The following EFHB variants were observed in gnomAD, a reference collection of about 807,000 sequenced individuals.
The protein encoded by EFHB is EF-hand domain family member B.
Under a neutral mutation model 87.2 loss-of-function variants are expected in EFHB, and 91 were observed. The ratio of observed to expected loss-of-function variants is 1.04; its 90% CI spans 0.88 to 1.24. The LOEUF is 1.24. Among genes scored for constraint, EFHB ranks in the 50% most tolerant of loss-of-function variants. EFHB has a pLI of 0.00. For synonymous variants in EFHB, 325 were observed against 333.6 expected (o/e 0.97, Z 0.28); for missense variants, 1,084 against 998.8 (o/e 1.09, Z -1.15).
At chr3:19,896,900 T>C (rs1694507443) in intron 8 of EFHB, 59 bp from the exon 9 acceptor site, 1 of 1,437,992 alleles carries the variant, frequency 7.0e-7, no homozygotes, top group Non-Finnish European at 9.2e-7. Flanking sequence ...ATTATTTCTA[T>C]CTTTTAAAAA....
intron 1 of EFHB, among the ~76,000 whole-genome samples, chr3:19,939,679 C>G (rs1312554461): frequency 3.3e-5 from 5 of 151,852 alleles, no homozygotes; most frequent in Admixed American, 6.6e-5. Flanking sequence ...CCACCGCACC[C>G]GCCCATGGGT....
rs1273729780 is a variant in EFHB at position 19,939,551 on chromosome 3, A to T, written c.-31-3217T>A. Among the ~76,000 whole-genome samples, 3 of 150,608 alleles carry T rather than the reference A, an allele frequency of 2.0e-5. No homozygotes were observed. In the East Asian group the frequency reaches 5.9e-4, roughly 30 times the overall value. On this transcript the variant is annotated intron_variant, in intron 1 of 14. Transcript: ENST00000344838. ...AGGCGCCCGCCACCACACCCGGCTA[A>T]TTTTTTGTATTTTTAGTAGCGATGG...
At position 19,933,225 on chromosome 3, in the gene EFHB, C is replaced by T. The variant is rs2125167135; in HGVS notation, c.789+5G>A. On this transcript the variant is annotated splice_donor_5th_base_variant and intron_variant, in intron 1 of 12. Coordinates refer to ENST00000295824, the MANE Select transcript of EFHB (RefSeq NM_144715.4). Reference sequence around the variant, plus strand: ...AGTTCCTATGGAAAGTGGAAAAAAACTTACACTTGGCCAGCAAGGGGTCCG... The same window carrying T: ...AGTTCCTATGGAAAGTGGAAAAAAATTTACACTTGGCCAGCAAGGGGTCCG... 6.2e-7 allele frequency: 1 copy of T among 1,609,030 alleles called. No individual in the cohort carries two copies. Among genetic ancestry groups the T allele is most frequent in the Non-Finnish European group, 8.5e-7 (1 of 1,176,802 alleles).
At chr3:19,890,875 T>C (rs1049519057) in intron 9 of EFHB, among the ~76,000 whole-genome samples, 2 of 152,148 alleles carry the variant, frequency 1.3e-5, no homozygotes, top group Non-Finnish European at 2.9e-5. Context: ...ACTGGACCCA[T>C]GGAGGCCTTC....
intron 3 of EFHB, 81 bp downstream of exon 3, chr3:19,919,752 A>C (rs1695371548): frequency 4.3e-6 from 6 of 1,383,550 alleles, no homozygotes; most frequent in African/African-American, 1.4e-5. Context: ...ATTGGAACTG[A>C]TGAATTTCAC....
chr3:19,933,876 ACAGGGCTCT>A lies in EFHB; in HGVS notation c.134_142del (p.Glu45_Pro47del). ...CCTTCCCTCACACTTATTACTAACC[ACAGGGCTCT>A]CCCCGCATCGGGAATCTTCTTTTCC... On this transcript the variant is annotated inframe_deletion, in exon 1 of 13. Coordinates refer to ENST00000295824, the MANE Select transcript of EFHB (RefSeq NM_144715.4). The A allele has an allele frequency of 6.2e-7, 1 of 1,613,842 alleles. No homozygotes were observed. Among genetic ancestry groups the A allele is most frequent in the Non-Finnish European group, 8.5e-7 (1 of 1,179,862 alleles).
At chr3:19,941,343 G>T in intron 1 of EFHB, 1 of 186,474 alleles carries the variant, frequency 5.4e-6, no homozygotes, top group Non-Finnish European at 1.1e-5. Flanking sequence ...TACTAGCCTG[G>T]CTGCTCAAGA....
chr3:19,879,564 G>T lies in EFHB; in HGVS notation c.*67C>A. The T allele has an allele frequency of 1.4e-6, 2 of 1,458,638 alleles. No homozygotes were observed. The highest frequency in any genetic ancestry group is 1.4e-5 in the African/African-American group (1 of 70,624). 90.4% of individuals were successfully genotyped at this position (1,458,638 alleles called of 1,614,324 possible). A position where few individuals can be genotyped will look rare whatever the true frequency, so the allele number is the denominator to read the frequency against. On this transcript the variant is annotated 3_prime_UTR_variant, in exon 13 of 13. Transcript: ENST00000295824. ...TAACATAATATCTAAAACCAGAATGGATTCAACATTTTAGATAAACACAGA... is the reference window on the plus strand; with the variant it reads ...TAACATAATATCTAAAACCAGAATGTATTCAACATTTTAGATAAACACAGA...
At position 19,879,821 on chromosome 3, in the gene EFHB, A is replaced by T; in HGVS notation, c.2329-17T>A. 1 of 1,559,422 alleles carries T rather than the reference A, an allele frequency of 6.4e-7. No individual in the cohort carries two copies. Among genetic ancestry groups the T allele is most frequent in the South Asian group, 1.2e-5 (1 of 82,540 alleles). The stretch of plus-strand genomic sequence containing the variant: ...CTCTGCAATCTAGAAAAAGGCATTT[A>T]AAATAGACCATGATTTATATGTTTT... On this transcript the variant is annotated splice_polypyrimidine_tract_variant and intron_variant, in intron 12 of 12. Coordinates refer to ENST00000295824, the MANE Select transcript of EFHB (RefSeq NM_144715.4).
chr3:19,929,847 A>G (rs1415942736), intron 1 of EFHB, among the ~76,000 whole-genome samples: 2 of 152,240 alleles, frequency 1.3e-5, no homozygotes, highest in Non-Finnish European at 2.9e-5. Context: ...GATAATAACA[A>G]CTACATAAAA....
At chr3:19,911,782 A>G (rs533262345) in intron 5 of EFHB, among the ~76,000 whole-genome samples, 1 of 152,008 alleles carries the variant, frequency 6.6e-6, no homozygotes, top group South Asian at 2.1e-4. Flanking sequence ...CAACTAAAAG[A>G]TACAGAAAAA....
At chr3:19,911,016 T>C (rs1389808354) in intron 5 of EFHB, among the ~76,000 whole-genome samples, 1 of 152,122 alleles carries the variant, frequency 6.6e-6, no homozygotes, top group African/African-American at 2.4e-5. Context: ...CTACAATAAA[T>C]ACCTAACTGT....
At chr3:19,905,796 C>A (rs770058952) in intron 5 of EFHB, 47 bp from the exon 6 acceptor site, 28 of 1,552,742 alleles carry the variant, frequency 1.8e-5, no homozygotes, top group Non-Finnish European at 2.4e-5. Context: ...ACACGAATAA[C>A]CTTATCATGC....
upstream of EFHB, among the ~76,000 whole-genome samples, chr3:19,936,628 G>T (rs1420641951): frequency 6.6e-6 from 1 of 152,090 alleles, no homozygotes; most frequent in Non-Finnish European, 1.5e-5. Flanking sequence ...AGCACTGTGG[G>T]AGGCCTAGGC....
At chr3:19,912,103 T>G (rs1014264015) in intron 5 of EFHB, among the ~76,000 whole-genome samples, 5 of 152,068 alleles carry the variant, frequency 3.3e-5, no homozygotes, top group African/African-American at 1.2e-4. Context: ...AAGAAGGTTA[T>G]AGAACACCAA....
upstream of EFHB, among the ~76,000 whole-genome samples, chr3:19,934,595 C>T (rs184607071): frequency 2.6e-5 from 4 of 151,938 alleles, no homozygotes; most frequent in African/African-American, 4.8e-5. Flanking sequence ...ATGTGGCTTT[C>T]GGCGCATCAA....
chr3:19,884,375 T>G, intron 11 of EFHB, 28 bp downstream of exon 11: 1 of 1,601,820 alleles, frequency 6.2e-7, no homozygotes, highest in Non-Finnish European at 8.5e-7. Context: ...TGTTGATGCT[T>G]TTAAAACTTG....
chr3:19,907,340 T>TAA (rs200498094), intron 5 of EFHB, among the ~76,000 whole-genome samples: 1,822 of 152,320 alleles, frequency 0.012, 11 homozygotes, highest in Non-Finnish European at 0.019. Flanking sequence ...GCTCAATTCT[T>TAA]AAAATGGGTG....
chr3:19,895,457 G>T (rs1694449662), intron 9 of EFHB, among the ~76,000 whole-genome samples: 1 of 151,624 alleles, frequency 6.6e-6, no homozygotes. Context: ...CTCCAGCCTG[G>T]GCGACAGAGC....
Sources: gnomAD v4.1 joint callset for allele counts (sites outside exome capture counted in the v4.1 genomes callset) on GRCh38, gnomAD v4.1.1 for gene constraint, MANE v1.5 for transcripts, NCBI Gene and HGNC (gene_info 2026-07-23, HGNC 2026-07-21) for gene names.